The following ANKIB1 variants were observed in gnomAD, a reference collection of about 807,000 sequenced individuals.
ANKIB1 encodes ankyrin repeat and IBR domain-containing protein 1.
In ANKIB1, 43 loss-of-function variants were observed where a neutral mutation model predicts 122.1. That is an observed-to-expected ratio of 0.35 (90% CI 0.28 to 0.45). The LOEUF is 0.45. Ranked by LOEUF, ANKIB1 falls within the 20% of genes least tolerant of loss-of-function variation. ANKIB1 has a pLI of 1.00. For missense variants in ANKIB1, 992 were observed against 1,329.5 expected (o/e 0.75, Z 3.95); for synonymous variants, 390 against 442.0 (o/e 0.88, Z 1.48).
At chr7:92,383,015 G>T (rs1804554761) in intron 11 of ANKIB1, among the ~76,000 whole-genome samples, 1 of 151,334 alleles carries the variant, frequency 6.6e-6, no homozygotes, top group African/African-American at 2.5e-5. Flanking sequence ...AAGAAGAAAA[G>T]AGAGAAGAAT....
intron 1 of ANKIB1, among the ~76,000 whole-genome samples, chr7:92,286,776 T>C (rs998182996): frequency 6.6e-6 from 1 of 152,098 alleles, no homozygotes; most frequent in Non-Finnish European, 1.5e-5. Flanking sequence ...ACGCCTGGCT[T>C]ATTATCCTTA....
chr7:92,319,237 G>T, intron 3 of ANKIB1, 93 bp from the exon 4 acceptor site: 1 of 804,220 alleles, frequency 1.2e-6, no homozygotes, highest in Non-Finnish European at 1.9e-6. Context: ...TTTTTGTTGT[G>T]TTAATTTTAT....
chr7:92,317,817 A>G (rs1440287411), intron 3 of ANKIB1, among the ~76,000 whole-genome samples: 5 of 152,216 alleles, frequency 3.3e-5, no homozygotes, highest in Non-Finnish European at 5.9e-5. Flanking sequence ...AGATAAAATT[A>G]TTTGGAAGAA....
At chr7:92,274,877 T>C (rs2131895802) in intron 1 of ANKIB1, among the ~76,000 whole-genome samples, 1 of 152,296 alleles carries the variant, frequency 6.6e-6, no homozygotes, top group Non-Finnish European at 1.5e-5. Flanking sequence ...CAGTGAGCTG[T>C]GATAGCACCA....
At position 92,253,347 on chromosome 7, in the gene ANKIB1, C is replaced by T. The variant is rs1210810116; in HGVS notation, c.-91+6828C>T. On this transcript the variant is annotated intron_variant, in intron 1 of 19. Transcript: ENST00000265742. ...TCCCACCTTCATCTACCCCTACTAA[C>T]ACACATCATTAACTGAGGGGCCTGC... Among the ~76,000 whole-genome samples the T allele has an allele frequency of 6.6e-5, 10 of 152,314 alleles. No homozygotes were observed. The East Asian group carries it at 1.7e-3, about 26-fold the overall frequency.
chr7:92,334,484 G>C (rs142922493), intron 5 of ANKIB1, among the ~76,000 whole-genome samples: 1 of 151,986 alleles, frequency 6.6e-6, no homozygotes, highest in South Asian at 2.1e-4. Context: ...ATCTTACAAA[G>C]AATTGTTTCC....
intron 2 of ANKIB1, among the ~76,000 whole-genome samples, chr7:92,298,013 G>A (rs1394261263): frequency 6.6e-6 from 1 of 151,944 alleles, no homozygotes; most frequent in African/African-American, 2.4e-5. Flanking sequence ...TCCTAACTCT[G>A]TTTCTGCCTT....
chr7:92,307,291 T>C, intron 2 of ANKIB1, 68 bp from the exon 3 acceptor site: 1 of 1,423,016 alleles, frequency 7.0e-7, no homozygotes, highest in Non-Finnish European at 9.4e-7. Context: ...AAGTGTTATC[T>C]TCAATGTATT....
intron 1 of ANKIB1, among the ~76,000 whole-genome samples, chr7:92,265,231 C>G (rs765990530): frequency 6.6e-6 from 1 of 151,968 alleles, no homozygotes; most frequent in African/African-American, 2.4e-5. Context: ...TTACCATCTC[C>G]CAAAGCACTG....
In ANKIB1 at chr7:92,307,712, T is replaced by C. The variant is rs1216651561; in HGVS notation, c.486+56T>C. 4.9e-5 allele frequency: 64 copies of C among 1,297,630 alleles called. 1 individual carries two copies. The South Asian group carries it at 1.3e-3, about 27-fold the overall frequency. 80.4% of individuals were successfully genotyped at this position (1,297,630 alleles called of 1,614,324 possible). On this transcript the variant is annotated intron_variant, in intron 3 of 19. Coordinates refer to ENST00000265742, the MANE Select transcript of ANKIB1 (RefSeq NM_019004.2). ...TTGTAAAATTTGTATCCAGGTGATA[T>C]GTAACTGTCAGGTTTTTTTTTTTTT...
Position 92,398,345 on chromosome 7 carries a change from G to C in ANKIB1, c.2666G>C (p.Gly889Ala). 1 of 1,613,498 alleles carries C rather than the reference G, an allele frequency of 6.2e-7. No homozygotes were observed. The change falls in exon 20 of 20, where the codon GGC becomes GCC. Residue 889 changes from glycine (G) to alanine (A), a missense_variant. By Grantham distance (60) the Gly-to-Ala change is moderately conservative (BLOSUM62 0). Coordinates refer to ENST00000265742, the MANE Select transcript of ANKIB1 (RefSeq NM_019004.2). The part of the protein sequence containing the change: ...LSNEASLGAI[G>A]TSLPSRLDSV... ...AATGAAGCATCCTTAGGTGCGATAG[G>C]CACTTCTTTACCTTCCAGGCTGGAC...
At chr7:92,388,761 C>T (rs1804723255) in intron 14 of ANKIB1, among the ~76,000 whole-genome samples, 1 of 152,244 alleles carries the variant, frequency 6.6e-6, no homozygotes, top group South Asian at 2.1e-4. Flanking sequence ...TCCAGTTTAT[C>T]AAAATAATGA....
chr7:92,380,577 G>T (rs10236278), intron 11 of ANKIB1, among the ~76,000 whole-genome samples: 3,682 of 152,286 alleles, frequency 0.024, 161 homozygotes, highest in African/African-American at 0.085. Flanking sequence ...TGCAATATTT[G>T]CTGTTCTGCA....
At chr7:92,366,960 G>A (rs923402520) in intron 10 of ANKIB1, among the ~76,000 whole-genome samples, 1 of 152,170 alleles carries the variant, frequency 6.6e-6, no homozygotes, top group African/African-American at 2.4e-5. Flanking sequence ...GCTAGGGAAG[G>A]GGAAGAAGAA....
chr7:92,387,420 G>A (rs1804680874), intron 12 of ANKIB1, among the ~76,000 whole-genome samples: 1 of 152,184 alleles, frequency 6.6e-6, no homozygotes, highest in East Asian at 1.9e-4. Flanking sequence ...CAGATCACTT[G>A]AGGTCAGGAG....
intron 2 of ANKIB1, among the ~76,000 whole-genome samples, chr7:92,301,127 T>G (rs1418358252): frequency 6.6e-6 from 1 of 152,212 alleles, no homozygotes; most frequent in Non-Finnish European, 1.5e-5. Flanking sequence ...GTATCTTATC[T>G]TTTATAAATA....
Position 92,246,439 on chromosome 7 carries a change from G to A in ANKIB1, c.-171G>A, listed in dbSNP as rs1258373046. The stretch of plus-strand genomic sequence containing the variant: ...CTGGGTACCTGAGGTCACCAGCTCG[G>A]CTGTAGAGGCAGGGGCGGCGGAGGC... On this transcript the variant is annotated 5_prime_UTR_variant, in exon 1 of 20. Transcript: ENST00000265742. 1.9e-6 allele frequency: 1 copy of A among 517,750 alleles called. No homozygotes were observed. Among genetic ancestry groups the A allele is most frequent in the Non-Finnish European group, 3.9e-6 (1 of 259,652 alleles). The allele number at this position is 517,750 out of a possible 1,614,324, so 32.1% of individuals were successfully genotyped here.
chr7:92,370,200 G>A (rs1804204336), intron 10 of ANKIB1, among the ~76,000 whole-genome samples: 1 of 152,010 alleles, frequency 6.6e-6, no homozygotes, highest in Non-Finnish European at 1.5e-5. Flanking sequence ...CAGGGGATGG[G>A]AGGATGAAGA....
chr7:92,396,606 G>A (rs1804898652), intron 18 of ANKIB1, 130 bp downstream of exon 18: 1 of 604,108 alleles, frequency 1.7e-6, no homozygotes, highest in Non-Finnish European at 2.9e-6. Flanking sequence ...TGTTTCTGTT[G>A]TGACAGGACA....
Sources: allele counts gnomAD v4.1 joint callset (sites outside exome capture counted in the v4.1 genomes callset), GRCh38; gene constraint gnomAD v4.1.1; transcripts MANE v1.5; gene names NCBI Gene and HGNC (gene_info 2026-07-23, HGNC 2026-07-21).